Variants in PHF20 observed in about 807,000 individuals in gnomAD.
The protein encoded by PHF20 is PHD finger protein 20, also known as glioma-expressed antigen 2.
PHF20 carries 23 observed loss-of-function variants against 113.5 expected under a neutral mutation model. The ratio of observed to expected loss-of-function variants is 0.20; its 90% CI spans 0.15 to 0.29. PHF20 has a LOEUF of 0.29. Ranked by LOEUF, PHF20 falls within the 10% of genes least tolerant of loss-of-function variation. PHF20 has a pLI of 1.00. For synonymous variants in PHF20, 434 were observed against 457.3 expected (o/e 0.95, Z 0.65); for missense variants, 943 against 1,219.6 (o/e 0.77, Z 3.38).
intron 2 of PHF20, among the ~76,000 whole-genome samples, chr20:35,804,773 C>T (rs1350543516): frequency 2.0e-5 from 3 of 152,078 alleles, no homozygotes; most frequent in Non-Finnish European, 4.4e-5. Context: ...TCTCTTTGTG[C>T]ACATACACAG....
intron 1 of PHF20, among the ~76,000 whole-genome samples, chr20:35,786,129 C>A (rs1459233944): frequency 6.6e-6 from 1 of 150,906 alleles, no homozygotes; most frequent in African/African-American, 2.4e-5. Context: ...TGGCTCACGC[C>A]TGTAATCCCA....
At chr20:35,897,372 A>G (rs2055005170) in intron 9 of PHF20, among the ~76,000 whole-genome samples, 1 of 152,136 alleles carries the variant, frequency 6.6e-6, no homozygotes, top group African/African-American at 2.4e-5. Flanking sequence ...CCTTACATGT[A>G]TACGATGTAT....
intron 14 of PHF20, among the ~76,000 whole-genome samples, chr20:35,928,413 A>T (rs932058050): frequency 3.7e-5 from 5 of 133,544 alleles, no homozygotes; most frequent in Non-Finnish European, 6.2e-5. Context: ...CACTCCAGCC[A>T]GGGCAACAAG....
intron 4 of PHF20, among the ~76,000 whole-genome samples, 171 bp from the exon 5 acceptor site, chr20:35,858,131 G>T (rs979342460): frequency 7.9e-5 from 12 of 152,160 alleles, no homozygotes; most frequent in Non-Finnish European, 1.5e-4. Context: ...AAGAAATGAA[G>T]ATAAGCATAC....
intron 9 of PHF20, among the ~76,000 whole-genome samples, chr20:35,897,328 T>TG (rs2055004571): frequency 6.6e-6 from 1 of 152,138 alleles, no homozygotes; most frequent in Non-Finnish European, 1.5e-5. Flanking sequence ...TGACATGTAA[T>TG]AATTTTACAT....
chr20:35,875,266 C>T (rs901225693), intron 9 of PHF20, among the ~76,000 whole-genome samples: 3 of 151,738 alleles, frequency 2.0e-5, no homozygotes, highest in Non-Finnish European at 2.9e-5. Flanking sequence ...GGCTTGGTGG[C>T]GCACGCCTGT....
At chr20:35,862,428 T>G (rs1197868796) in intron 5 of PHF20, among the ~76,000 whole-genome samples, 1 of 152,202 alleles carries the variant, frequency 6.6e-6, no homozygotes, top group African/African-American at 2.4e-5. Flanking sequence ...TCAGAAAGAT[T>G]GCTTTCCAGA....
intron 1 of PHF20, among the ~76,000 whole-genome samples, chr20:35,783,211 A>C (rs1335834575): frequency 6.6e-6 from 1 of 152,122 alleles, no homozygotes; most frequent in East Asian, 1.9e-4. Context: ...AAATAAAAAA[A>C]AGAAAAGAAA....
At chr20:35,914,598 G>A (rs1252704394) in intron 12 of PHF20, among the ~76,000 whole-genome samples, 3 of 152,124 alleles carry the variant, frequency 2.0e-5, no homozygotes, top group Non-Finnish European at 4.4e-5. Context: ...GAAAATATTT[G>A]TAAACTATTC....
intron 1 of PHF20, among the ~76,000 whole-genome samples, chr20:35,783,284 A>G (rs1239305191): frequency 6.6e-6 from 1 of 152,204 alleles, no homozygotes; most frequent in Non-Finnish European, 1.5e-5. Context: ...AGTATATGTT[A>G]CCATTATTAC....
At chr20:35,772,667 A>G (rs1390644392) in intron 1 of PHF20, among the ~76,000 whole-genome samples, 1 of 150,920 alleles carries the variant, frequency 6.6e-6, no homozygotes, top group Admixed American at 6.6e-5. Context: ...CCCCCCCCAA[A>G]TTTAGGGCGT....
chr20:35,790,629 A>G (rs887604312), intron 1 of PHF20, among the ~76,000 whole-genome samples: 2 of 152,160 alleles, frequency 1.3e-5, no homozygotes, highest in Admixed American at 6.6e-5. Flanking sequence ...TTATCTGGAA[A>G]GTGGTGGGGC....
At chr20:35,842,782 G>A (rs758866984) in intron 3 of PHF20, 38 bp downstream of exon 3, 66 of 1,571,778 alleles carry the variant, frequency 4.2e-5, no homozygotes, top group Non-Finnish European at 5.6e-5. Context: ...AGTATGCAAG[G>A]TCAGCCATTG....
chr20:35,775,678 CG>C (rs2041158962), intron 1 of PHF20, among the ~76,000 whole-genome samples: 1 of 132,360 alleles, frequency 7.6e-6, no homozygotes, highest in Non-Finnish European at 1.5e-5. Flanking sequence ...TGCTTGAACC[CG>C]GGAGGCGGAG....
rs369438821 is a variant in PHF20, at chr20:35,908,849, A to G, written c.1562-4400A>G. Among the ~76,000 whole-genome samples, 24 of 152,332 alleles carry G rather than the reference A, an allele frequency of 1.6e-4. No homozygotes were observed. In the East Asian group the frequency reaches 3.3e-3, roughly 21 times the overall value. Reference sequence around the variant, plus strand: ...AATTCCAGTTATTCATTGCTGGCATATAGAAAAGCAATAGATTGTTGTATA... The same window carrying G: ...AATTCCAGTTATTCATTGCTGGCATGTAGAAAAGCAATAGATTGTTGTATA... On this transcript the variant is annotated intron_variant, in intron 10 of 17. Transcript: ENST00000374012.
At chr20:35,875,215 T>C (rs1445838156) in intron 9 of PHF20, among the ~76,000 whole-genome samples, 1 of 151,982 alleles carries the variant, frequency 6.6e-6, no homozygotes, top group Non-Finnish European at 1.5e-5. Flanking sequence ...CTGGCCAACA[T>C]GGTGAAACCC....
chr20:35,801,593 G>T lies in PHF20; in HGVS notation c.71G>T (p.Arg24Leu). Residue 24 changes from arginine (R) to leucine (L), a missense_variant, in exon 2 of 18, where the codon CGT (arginine) becomes CTT (leucine). Coordinates refer to ENST00000374012, the MANE Select transcript of PHF20 (RefSeq NM_016436.5). ...GGAGCCCAGTTGGAAGCCCGGGACC[G>T]TTTAAAAAACTGGTACTTTTACATT... ...EVGAQLEARD[R>L]LKNWYPAHIE... 2 of 1,609,998 alleles carry T rather than the reference G, an allele frequency of 1.2e-6. No homozygotes were observed. Among genetic ancestry groups the T allele is most frequent in the Non-Finnish European group, 1.7e-6 (2 of 1,176,826 alleles).
In PHF20 at chr20:35,881,070, T is replaced by C. The variant is rs78722607; in HGVS notation, c.1282+9241T>C. Among the ~76,000 whole-genome samples, 172 of 145,250 alleles carry C rather than the reference T, an allele frequency of 1.2e-3. No individual in the cohort carries two copies. The East Asian group carries it at 0.015, about 12-fold the overall frequency. On this transcript the variant is annotated intron_variant, in intron 9 of 17. Transcript: ENST00000374012. The stretch of plus-strand genomic sequence containing the variant: ...TACCTTTTTTTTTTTTTTTTTTTTT[T>C]CTGAGACGGAGTTTCTCGCTCTTGT...
chr20:35,887,879 C>T (rs1051962662), intron 9 of PHF20: 4 of 149,876 alleles, frequency 2.7e-5, no homozygotes, highest in African/African-American at 9.8e-5. Context: ...TATATCAGGG[C>T]GTGAATACCA....
Sources: gnomAD v4.1 joint callset for allele counts (sites outside exome capture counted in the v4.1 genomes callset) on GRCh38, gnomAD v4.1.1 for gene constraint, MANE v1.5 for transcripts, NCBI Gene and HGNC (gene_info 2026-07-23, HGNC 2026-07-21) for gene names.